Variants in PLCL2 observed in about 807,000 individuals in gnomAD.
PLCL2 encodes the protein phospholipase C like 2.
In PLCL2, 4 loss-of-function variants were observed where a neutral mutation model predicts 79.6. That is an observed-to-expected ratio of 0.05 (90% CI 0.02 to 0.11). The LOEUF (loss-of-function observed/expected upper bound fraction) is 0.11, where lower values mean the gene tolerates loss of function less well. Among genes scored for constraint, PLCL2 ranks in the 10% least tolerant of loss-of-function variants. The pLI is 1.00. For missense variants in PLCL2, 895 were observed against 1,291.0 expected (o/e 0.69, Z 4.70); for synonymous variants, 484 against 457.7 (o/e 1.06, Z -0.73).
chr3:16,957,180 C>G lies in PLCL2; in HGVS notation c.328-52494C>G, dbSNP rs1049835064. 2.2e-3 allele frequency among the ~76,000 whole-genome samples: 330 copies of G among 152,030 alleles called. 1 individual carries two copies. The highest frequency in any genetic ancestry group is 5.9e-3 in the African/African-American group (243 of 41,476). The stretch of plus-strand genomic sequence containing the variant: ...TGTGGGCATTTAGTGCTATAAATTT[C>G]CCTCTACACACTGCTTTGAATGTGT... On this transcript the variant is annotated intron_variant, in intron 1 of 5. Coordinates refer to ENST00000615277, the MANE Select transcript of PLCL2 (RefSeq NM_001144382.2).
At chr3:17,079,241 C>T (rs1349156844) in intron 5 of PLCL2, among the ~76,000 whole-genome samples, 1 of 152,180 alleles carries the variant, frequency 6.6e-6, no homozygotes, top group African/African-American at 2.4e-5. Context: ...ACCCTCCCCT[C>T]CCCTCTGGCC....
intron 1 of PLCL2, among the ~76,000 whole-genome samples, chr3:16,969,750 C>T (rs1005208289): frequency 6.6e-6 from 1 of 151,912 alleles, no homozygotes; most frequent in Non-Finnish European, 1.5e-5. Flanking sequence ...TCCAGTTCAG[C>T]TCTGATTTTG....
At position 16,886,545 on chromosome 3, in the gene PLCL2, A is replaced by G. The variant is rs1696228119; in HGVS notation, c.327+1179A>G. On this transcript the variant is annotated intron_variant, in intron 1 of 5. Transcript: ENST00000615277. This position sits in a 1 kb window ranked among gnomAD's most constrained non-coding sequence, Gnocchi z 4.2. ...GTGAAATATACCATCTTGCTACTCT[A>G]TGTAAGAGGCAATTGTGAAACTGCA... Among the ~76,000 whole-genome samples, 1 of 152,222 alleles carries G rather than the reference A, an allele frequency of 6.6e-6. No homozygotes were observed. The highest frequency in any genetic ancestry group is 2.1e-4 in the South Asian group (1 of 4,836).
At chr3:17,055,439 A>G (rs982268843) in intron 4 of PLCL2, among the ~76,000 whole-genome samples, 1 of 152,308 alleles carries the variant, frequency 6.6e-6, no homozygotes, top group East Asian at 1.9e-4. Context: ...CATTCAGAGC[A>G]AAAACTTCAA....
chr3:16,898,226 A>G (rs1361405533), intron 1 of PLCL2, among the ~76,000 whole-genome samples: 2 of 152,168 alleles, frequency 1.3e-5, no homozygotes, highest in South Asian at 2.1e-4. Context: ...TTTGACAGGC[A>G]GTTTTATTTA....
At chr3:17,062,900 C>T (rs531850626) in intron 4 of PLCL2, among the ~76,000 whole-genome samples, 4 of 152,208 alleles carry the variant, frequency 2.6e-5, no homozygotes, top group African/African-American at 7.2e-5. Context: ...CCCTAAGCAG[C>T]GGCGGCAGCA....
chr3:17,027,901 T>C (rs1223379078), intron 3 of PLCL2, among the ~76,000 whole-genome samples: 1 of 152,242 alleles, frequency 6.6e-6, no homozygotes, highest in Admixed American at 6.5e-5. Flanking sequence ...CTGATTTTAA[T>C]AGCGCCCGTG....
chr3:16,923,178 C>T (rs1697162471), intron 1 of PLCL2, among the ~76,000 whole-genome samples: 1 of 152,186 alleles, frequency 6.6e-6, no homozygotes, highest in Non-Finnish European at 1.5e-5. Flanking sequence ...GGGTAGGGGT[C>T]TCAGTCTTTT....
chr3:16,922,386 A>G (rs1011026071), intron 1 of PLCL2, among the ~76,000 whole-genome samples: 3 of 152,140 alleles, frequency 2.0e-5, no homozygotes, highest in Admixed American at 2.0e-4. Flanking sequence ...TTGTGTCTCA[A>G]CTCTCATGAA....
chr3:16,947,127 A>ATTT (rs200914734), intron 1 of PLCL2, among the ~76,000 whole-genome samples: 1 of 142,476 alleles, frequency 7.0e-6, no homozygotes, highest in Non-Finnish European at 1.5e-5. Context: ...GGCTAATTTT[A>ATTT]TTTTTTTTTT....
chr3:16,895,663 C>T (rs1696463383), intron 1 of PLCL2, among the ~76,000 whole-genome samples: 1 of 152,136 alleles, frequency 6.6e-6, no homozygotes. Context: ...TCCAAGAGTC[C>T]TTAAAGCAGC....
chr3:17,040,983 T>G (rs1394715010), intron 3 of PLCL2, among the ~76,000 whole-genome samples: 5 of 152,152 alleles, frequency 3.3e-5, no homozygotes, highest in African/African-American at 1.2e-4. Flanking sequence ...TCTTTGATAC[T>G]GAGCTGTAAC....
intron 5 of PLCL2, among the ~76,000 whole-genome samples, chr3:17,068,974 C>T (rs2065035334): frequency 6.6e-6 from 1 of 152,100 alleles, no homozygotes; most frequent in Admixed American, 6.6e-5. Context: ...TTATGCTCAG[C>T]TGAATTTGTA....
intron 1 of PLCL2, among the ~76,000 whole-genome samples, chr3:16,932,905 CCTT>C (rs1444274803): frequency 1.3e-5 from 2 of 152,036 alleles, no homozygotes; most frequent in Non-Finnish European, 2.9e-5. Context: ...TTTCTTTTTT[CCTT>C]CTTCTTCTTT....
chr3:17,000,889 T>C (rs1191162528), intron 1 of PLCL2, among the ~76,000 whole-genome samples: 2 of 152,168 alleles, frequency 1.3e-5, no homozygotes, highest in Non-Finnish European at 2.9e-5. Context: ...AACATGGATG[T>C]GCCGGTATTT....
intron 1 of PLCL2, among the ~76,000 whole-genome samples, chr3:16,939,527 C>G (rs1303805819): frequency 6.6e-6 from 1 of 152,050 alleles, no homozygotes; most frequent in African/African-American, 2.4e-5. Context: ...TGGACAGACA[C>G]CTGTAGACAA....
At chr3:17,088,120 G>C (rs1341983164) in intron 5 of PLCL2, among the ~76,000 whole-genome samples, 8 of 152,300 alleles carry the variant, frequency 5.3e-5, no homozygotes, top group Non-Finnish European at 2.9e-5. Context: ...AACCATGCAT[G>C]GTAAGTGGTA....
At chr3:16,932,624 G>A (rs755004427) in intron 1 of PLCL2, among the ~76,000 whole-genome samples, 2 of 152,094 alleles carry the variant, frequency 1.3e-5, no homozygotes, top group African/African-American at 2.4e-5. Context: ...TTCTCTTTTT[G>A]GAGAGGTCCT....
chr3:16,892,663 G>A (rs1696378235), intron 1 of PLCL2, among the ~76,000 whole-genome samples: 1 of 152,198 alleles, frequency 6.6e-6, no homozygotes, highest in Admixed American at 6.5e-5. Flanking sequence ...TCCTCAGCAT[G>A]TTTTGTCATG....
Sources: allele counts gnomAD v4.1 joint callset (sites outside exome capture counted in the v4.1 genomes callset), GRCh38; gene constraint gnomAD v4.1.1; non-coding constraint Gnocchi (gnomAD v3.1); transcripts MANE v1.5; gene names NCBI Gene and HGNC (gene_info 2026-07-23, HGNC 2026-07-21).